Variants in MAP3K4 observed in about 807,000 individuals in gnomAD.
MAP3K4 encodes the protein mitogen-activated protein kinase kinase kinase 4, also known as MAP three kinase 1.
Under a neutral mutation model 185.6 loss-of-function variants are expected in MAP3K4, and 67 were observed. The ratio of observed to expected loss-of-function variants is 0.36; its 90% CI spans 0.30 to 0.44. The LOEUF is 0.44. Among genes scored for constraint, MAP3K4 ranks in the 20% least tolerant of loss-of-function variants. The pLI is 1.00. For synonymous variants in MAP3K4, 702 were observed against 710.4 expected (o/e 0.99, Z 0.19); for missense variants, 1,551 against 1,995.1 (o/e 0.78, Z 4.24).
intron 2 of MAP3K4, among the ~76,000 whole-genome samples, chr6:161,044,055 C>G (rs929908616): frequency 2.6e-5 from 4 of 152,230 alleles, no homozygotes; most frequent in African/African-American, 9.6e-5. Flanking sequence ...TGGTTCCTTT[C>G]AGTTTCATTA....
rs1256595062 is a variant in MAP3K4 at position 161,067,037 on chromosome 6, A to G, written c.1708-3571A>G. Among the ~76,000 whole-genome samples the G allele has an allele frequency of 2.0e-5, 3 of 152,234 alleles. No homozygotes were observed. Among genetic ancestry groups the G allele is most frequent in the Non-Finnish European group, 4.4e-5 (3 of 68,042 alleles). ...CAGCGTCTAAAGCCTTTACTTACAC[A>G]TACCTTAAGCTGTTAACCCTGAATA... is the stretch of plus-strand genomic sequence containing the variant. On this transcript the variant is annotated intron_variant, in intron 3 of 26. Coordinates refer to ENST00000392142, the MANE Select transcript of MAP3K4 (RefSeq NM_005922.4). This position sits in a 1 kb window ranked among gnomAD's most constrained non-coding sequence, Gnocchi z 6.3.
At chr6:161,019,109 C>T (rs575370248) in intron 1 of MAP3K4, among the ~76,000 whole-genome samples, 11 of 152,060 alleles carry the variant, frequency 7.2e-5, no homozygotes, top group African/African-American at 2.4e-4. Flanking sequence ...AGAGGAGAAC[C>T]GAAAAAATTT....
chr6:160,997,944 A>G (rs749211530), intron 1 of MAP3K4, among the ~76,000 whole-genome samples: 1 of 152,190 alleles, frequency 6.6e-6, no homozygotes, highest in African/African-American at 2.4e-5. Flanking sequence ...AAGCTCCTAC[A>G]GAGGACCTGG....
intron 1 of MAP3K4, among the ~76,000 whole-genome samples, chr6:161,029,447 C>G (rs906717221): frequency 2.6e-5 from 4 of 152,182 alleles, no homozygotes; most frequent in South Asian, 2.1e-4. Context: ...CTAAAACCTA[C>G]ACCAAACTCC....
intron 5 of MAP3K4, among the ~76,000 whole-genome samples, chr6:161,078,836 G>A (rs1327887234): frequency 6.6e-6 from 1 of 152,206 alleles, no homozygotes; most frequent in African/African-American, 2.4e-5. Flanking sequence ...GGGGCCAGTG[G>A]TGTGGCTGAT....
At chr6:160,992,572 C>T (rs111993796) in intron 1 of MAP3K4, among the ~76,000 whole-genome samples, 116 of 152,326 alleles carry the variant, frequency 7.6e-4, no homozygotes, top group African/African-American at 2.5e-3. Context: ...CAGAGAATGC[C>T]TGTCATCTCT....
At position 161,103,763 on chromosome 6, in the gene MAP3K4, A is replaced by C. The variant is rs752044873; in HGVS notation, c.3856+984A>C. ...TAGTATAGTCTGCTAGCCAGAATTG[A>C]GGAGAAAGTGGGCAGATTGGTTAAA... is the stretch of plus-strand genomic sequence containing the variant. On this transcript the variant is annotated intron_variant, in intron 19 of 26. Coordinates refer to ENST00000392142, the MANE Select transcript of MAP3K4 (RefSeq NM_005922.4). This position sits in a 1 kb window ranked among gnomAD's most constrained non-coding sequence, Gnocchi z 4.6. Among the ~76,000 whole-genome samples the C allele has an allele frequency of 6.6e-6, 1 of 152,204 alleles. No homozygotes were observed. The highest frequency in any genetic ancestry group is 1.5e-5 in the Non-Finnish European group (1 of 68,046).
chr6:161,098,156 T>C lies in MAP3K4; in HGVS notation c.3525-122T>C. Reference sequence around the variant, plus strand: ...CTAGACTCAAATCTCAAAGAACAATTTGCATTTTATATTTTTAAATATATT... The same window carrying C: ...CTAGACTCAAATCTCAAAGAACAATCTGCATTTTATATTTTTAAATATATT... On this transcript the variant is annotated intron_variant, in intron 16 of 26. Transcript: ENST00000392142. This position sits in a 1 kb window ranked among gnomAD's most constrained non-coding sequence, Gnocchi z 4.4. 1 of 1,161,712 alleles carries C rather than the reference T, an allele frequency of 8.6e-7. No individual in the cohort carries two copies. Among genetic ancestry groups the C allele is most frequent in the Non-Finnish European group, 1.2e-6 (1 of 829,224 alleles). 72.0% of individuals were successfully genotyped at this position (1,161,712 alleles called of 1,614,324 possible). A position where few individuals can be genotyped will look rare whatever the true frequency, so the allele number is the denominator to read the frequency against.
rs1453455984 is a variant in MAP3K4 at position 161,114,156 on chromosome 6, C to T, written c.4627-967C>T. Reference sequence around the variant, plus strand: ...ACAGAAATTCCATGTGGTAGGGCTGCTCCGGAGACATTTCCAATCTCTATC... The same window carrying T: ...ACAGAAATTCCATGTGGTAGGGCTGTTCCGGAGACATTTCCAATCTCTATC... On this transcript the variant is annotated intron_variant, in intron 25 of 26. Transcript: ENST00000392142. This position sits in a 1 kb window ranked among gnomAD's most constrained non-coding sequence, Gnocchi z 4.3. 2.0e-5 allele frequency among the ~76,000 whole-genome samples: 3 copies of T among 152,144 alleles called. No individual in the cohort carries two copies. The highest frequency in any genetic ancestry group is 7.2e-5 in the African/African-American group (3 of 41,418).
Position 161,048,891 on chromosome 6 carries a change from G to A in MAP3K4, c.619G>A (p.Ala207Thr), listed in dbSNP as rs1783873400. 1 of 1,614,056 alleles carries A rather than the reference G, an allele frequency of 6.2e-7. No homozygotes were observed. Among genetic ancestry groups the A allele is most frequent in the Non-Finnish European group, 8.5e-7 (1 of 1,180,046 alleles). ...TCCAGTATCTGTGCCCATGCCTATA[G>A]CCAGACCTGCACGCCAGACTTCTAG... ...KLPVSVPMPI[A>T]RPARQTSRTD... The change falls in exon 3 of 27, where the codon GCC (alanine) becomes ACC (threonine). Residue 207 changes from alanine to threonine, a missense_variant. This residue lies in a region of MAP3K4 where 287 missense variants were observed against 268.8 expected (regional missense o/e 1.07). Transcript: ENST00000392142. This position sits in a 1 kb window ranked among gnomAD's most constrained non-coding sequence, Gnocchi z 4.7.
Position 161,045,225 on chromosome 6 carries a change from G to A in MAP3K4, c.344-3391G>A, listed in dbSNP as rs186287191. Among the ~76,000 whole-genome samples, 74 of 152,026 alleles carry A rather than the reference G, an allele frequency of 4.9e-4. 1 individual carries two copies. The highest frequency in any genetic ancestry group is 2.4e-3 in the Admixed American group (37 of 15,274). On this transcript the variant is annotated intron_variant, in intron 2 of 26. Coordinates refer to ENST00000392142, the MANE Select transcript of MAP3K4 (RefSeq NM_005922.4). ...AAACCAACTTGGGTTTTGTTTTGGG[G>A]TGGGGGGGAACAAAAAGCTTCTCTG...
Position 161,092,029 on chromosome 6 carries a change from G to A in MAP3K4, c.3155G>A (p.Arg1052His). 6.2e-7 allele frequency: 1 copy of A among 1,612,596 alleles called. No individual in the cohort carries two copies. Among genetic ancestry groups the A allele is most frequent in the Non-Finnish European group, 8.5e-7 (1 of 1,178,768 alleles). ...TTACAGTATCATAAAGAAGTTGTTC[G>A]TTTGATGTCTGGGGAGTTTAGACAG... ...FGFEYHKEVV[R>H]LMSGEFRQKI... is the part of the protein sequence containing the mutation. Residue 1052 changes from arginine (R) to histidine (H), a missense_variant, in exon 13 of 27, where the codon CGT becomes CAT. Arg to His is a conservative substitution (Grantham distance 29). This residue lies in a region of MAP3K4 where 261 missense variants were observed against 306.5 expected (regional missense o/e 0.85). Transcript: ENST00000392142.
chr6:161,059,516 T>C (rs184937767), intron 3 of MAP3K4, among the ~76,000 whole-genome samples: 1 of 152,324 alleles, frequency 6.6e-6, no homozygotes, highest in Non-Finnish European at 1.5e-5. Flanking sequence ...TTTCGTTTGC[T>C]TATTTATTTT....
Position 161,073,621 on chromosome 6 carries a change from C to T in MAP3K4, c.2097+9C>T, listed in dbSNP as rs200194547. On this transcript the variant is annotated intron_variant, in intron 5 of 26. Coordinates refer to ENST00000392142, the MANE Select transcript of MAP3K4 (RefSeq NM_005922.4). This position sits in a 1 kb window ranked among gnomAD's most constrained non-coding sequence, Gnocchi z 4.2. Reference sequence around the variant, plus strand: ...TACATAAAATGCTTATGGTCAGAAGCAGTGGGGAGGAATTTTTCTTTCTTT... The same window carrying T: ...TACATAAAATGCTTATGGTCAGAAGTAGTGGGGAGGAATTTTTCTTTCTTT... 24 of 1,595,690 alleles carry T rather than the reference C, an allele frequency of 1.5e-5. No homozygotes were observed. In the Middle Eastern group the frequency reaches 6.8e-4, roughly 45 times the overall value.
rs1777308176 is a variant in MAP3K4, at chr6:161,091,491, A to C, written c.3086A>C (p.Gln1029Pro). The stretch of plus-strand genomic sequence containing the variant: ...GATGAATCTGAATCTGTCACCTTGC[A>C]ACAGTACTACCGAGAAGCAATGATT... ...EVDESESVTL[Q>P]QYYREAMIQG... The change falls in exon 12 of 27, where the codon CAA (glutamine) becomes CCA (proline). Residue 1029 changes from glutamine (Q) to proline (P), a missense_variant. Physicochemically the swap from Gln to Pro is moderately conservative, Grantham distance 76 (BLOSUM62 -1). Around this residue, in one of 16 missense-constraint regions of MAP3K4, gnomAD observed 261 missense variants for 306.5 expected, o/e 0.85. Coordinates refer to ENST00000392142, the MANE Select transcript of MAP3K4 (RefSeq NM_005922.4). This position sits in a 1 kb window ranked among gnomAD's most constrained non-coding sequence, Gnocchi z 5.5. 6.2e-7 allele frequency: 1 copy of C among 1,614,036 alleles called. No individual in the cohort carries two copies. Among genetic ancestry groups the C allele is most frequent in the African/African-American group, 1.3e-5 (1 of 74,932 alleles).
At chr6:161,029,785 G>C (rs543569673) in intron 1 of MAP3K4, among the ~76,000 whole-genome samples, 117 of 151,974 alleles carry the variant, frequency 7.7e-4, no homozygotes, top group African/African-American at 2.6e-3. Context: ...TAATTGAAAT[G>C]ATGCAAGTTC....
chr6:161,023,293 A>G (rs1408206558), intron 1 of MAP3K4, among the ~76,000 whole-genome samples: 1 of 152,248 alleles, frequency 6.6e-6, no homozygotes, highest in Non-Finnish European at 1.5e-5. Context: ...TTTGCCATAA[A>G]TAGAAAATAA....
In MAP3K4 at chr6:161,084,741, A is replaced by G; in HGVS notation, c.2372+124A>G. On this transcript the variant is annotated intron_variant, in intron 7 of 26. Transcript: ENST00000392142. The surrounding 1 kb of genome is among the most constrained non-coding windows in gnomAD (Gnocchi z 4.6). ...TGGCCTGGAAGAATTTGGGCAGTAG[A>G]TGTAAAGGGATTTATTTATAACTGC... 1 of 544,914 alleles carries G rather than the reference A, an allele frequency of 1.8e-6. No homozygotes were observed. 33.8% of individuals were successfully genotyped at this position (544,914 alleles called of 1,614,324 possible). A position where few individuals can be genotyped will look rare whatever the true frequency, so the allele number is the denominator to read the frequency against.
Position 161,075,966 on chromosome 6 carries a change from T to G in MAP3K4, c.2097+2354T>G, listed in dbSNP as rs960621007. Among the ~76,000 whole-genome samples, 14 of 152,080 alleles carry G rather than the reference T, an allele frequency of 9.2e-5. No individual in the cohort carries two copies. The highest frequency in any genetic ancestry group is 1.9e-4 in the Non-Finnish European group (13 of 68,020). The stretch of plus-strand genomic sequence containing the variant: ...TAGGAAGGAAGGAAAGAACAGCAAT[T>G]GAATTGGCAGTCAAATTATGTTTAA... On this transcript the variant is annotated intron_variant, in intron 5 of 26. Coordinates refer to ENST00000392142, the MANE Select transcript of MAP3K4 (RefSeq NM_005922.4). The surrounding 1 kb of genome is among the most constrained non-coding windows in gnomAD (Gnocchi z 4.3).
Sources: gnomAD v4.1 joint callset for allele counts (sites outside exome capture counted in the v4.1 genomes callset) on GRCh38, gnomAD v4.1.1 for gene constraint, gnomAD v4.1.1 regional missense constraint, Gnocchi (gnomAD v3.1) non-coding constraint, MANE v1.5 for transcripts, NCBI Gene and HGNC (gene_info 2026-07-23, HGNC 2026-07-21) for gene names.